The following ZNF385D variants were observed in gnomAD, a reference collection of about 807,000 sequenced individuals.
ZNF385D encodes the protein zinc finger protein 659.
In ZNF385D, 15 loss-of-function variants were observed where a neutral mutation model predicts 35.8. The ratio of observed to expected loss-of-function variants is 0.42; its 90% CI spans 0.28 to 0.64. The LOEUF (loss-of-function observed/expected upper bound fraction) is 0.64, where lower values mean the gene tolerates loss of function less well. Ranked by LOEUF, ZNF385D falls within the 30% of genes least tolerant of loss-of-function variation. The pLI, the probability that ZNF385D is intolerant of heterozygous loss-of-function variation, is 0.23. For synonymous variants in ZNF385D, 212 were observed against 186.8 expected, an observed-to-expected ratio of 1.13 and a Z score of -1.10; for missense variants, 474 against 494.6, an observed-to-expected ratio of 0.96 and a Z score of 0.39.
chr3:21,808,713 G>A (rs1189802998), intron 3 of ZNF385D, among the ~76,000 whole-genome samples: 2 of 152,206 alleles, frequency 1.3e-5, no homozygotes, highest in Non-Finnish European at 2.9e-5. Flanking sequence ...ATGGACAGGA[G>A]TGATCTGAAT....
chr3:22,169,739 C>A (rs1412798770), intron 2 of ZNF385D, among the ~76,000 whole-genome samples: 1 of 152,176 alleles, frequency 6.6e-6, no homozygotes, highest in African/African-American at 2.4e-5. Context: ...GCTTTGTATA[C>A]TAAAACCAAA....
rs73146844 is a variant in ZNF385D at position 21,879,331 on chromosome 3, G to A, written c.326-214303C>T. ...CTGTCTTCTCTAGAGAGGACACATGGGATCCGTTTATTGCCATCTCTGGGA... is the reference window on the plus strand; with the variant it reads ...CTGTCTTCTCTAGAGAGGACACATGAGATCCGTTTATTGCCATCTCTGGGA... On this transcript the variant is annotated intron_variant, in intron 3 of 5. Coordinates refer to the ZNF385D transcript ENST00000494108. Among the ~76,000 whole-genome samples the A allele has an allele frequency of 6.1e-3, 927 of 152,044 alleles. 9 individuals carry two copies. Among genetic ancestry groups the A allele is most frequent in the African/African-American group, 0.022 (899 of 41,516 alleles).
Position 22,088,566 on chromosome 3 carries a change from T to C in ZNF385D, c.325+80251A>G, listed in dbSNP as rs186012362. The stretch of plus-strand genomic sequence containing the variant: ...AAAAATGCTCTTGTACTCCTGAGTA[T>C]GGACACCAACCAGAAGAGATCTAGT... On this transcript the variant is annotated intron_variant, in intron 3 of 5. Transcript: ENST00000494108. 7.4e-3 allele frequency among the ~76,000 whole-genome samples: 1,129 copies of C among 152,242 alleles called. 10 individuals carry two copies. The highest frequency in any genetic ancestry group is 0.012 in the Non-Finnish European group (802 of 68,016).
rs557605596 is a variant in ZNF385D, at chr3:21,647,185, T to G, written c.165+17701A>C. 1.8e-4 allele frequency among the ~76,000 whole-genome samples: 27 copies of G among 152,334 alleles called. 1 individual carries two copies. The East Asian group carries it at 4.6e-3, about 26-fold the overall frequency. On this transcript the variant is annotated intron_variant, in intron 2 of 7. Coordinates refer to ENST00000281523, the MANE Select transcript of ZNF385D (RefSeq NM_024697.3). Reference sequence around the variant, plus strand: ...GTACTAGTATTTTAAAGGAATTGCCTAAATAATATGTAACAAAAACAAACA... The same window carrying G: ...GTACTAGTATTTTAAAGGAATTGCCGAAATAATATGTAACAAAAACAAACA...
intron 3 of ZNF385D, among the ~76,000 whole-genome samples, chr3:22,124,055 T>G (rs1409635966): frequency 2.7e-5 from 4 of 150,312 alleles, no homozygotes; most frequent in African/African-American, 7.3e-5. Flanking sequence ...CTAACTATTT[T>G]TGTGTGCATT....
Position 22,300,040 on chromosome 3 carries a change from T to C in ZNF385D, c.106+72410A>G, listed in dbSNP as rs374125263. On this transcript the variant is annotated intron_variant, in intron 2 of 5. Coordinates refer to the ZNF385D transcript ENST00000494108. ...AAAGAACAAAGCTGGAGGTACCACA[T>C]GACTTGACTTTAAAATATACTATAA... is the stretch of plus-strand genomic sequence containing the variant. 1.4e-3 allele frequency among the ~76,000 whole-genome samples: 216 copies of C among 152,004 alleles called. 3 individuals are homozygous for C. In the South Asian group the frequency reaches 0.032, roughly 22 times the overall value.
At chr3:21,808,325 A>G (rs759264511) in intron 3 of ZNF385D, among the ~76,000 whole-genome samples, 1 of 152,216 alleles carries the variant, frequency 6.6e-6, no homozygotes, top group Non-Finnish European at 1.5e-5. Context: ...CTGTAGTATA[A>G]CACCTTCTTG....
chr3:21,894,041 G>C (rs151117849), intron 3 of ZNF385D, among the ~76,000 whole-genome samples: 1 of 152,056 alleles, frequency 6.6e-6, no homozygotes, highest in Admixed American at 6.6e-5. Flanking sequence ...TAGAATACTT[G>C]TTTCTGTGTC....
At chr3:21,570,222 G>C (rs1319344948) in intron 2 of ZNF385D, among the ~76,000 whole-genome samples, 2 of 152,062 alleles carry the variant, frequency 1.3e-5, no homozygotes, top group Non-Finnish European at 2.9e-5. Context: ...CTTATTTAAA[G>C]CCAAATGAAT....
chr3:22,313,524 T>C (rs1490675730), intron 2 of ZNF385D, among the ~76,000 whole-genome samples: 1 of 152,138 alleles, frequency 6.6e-6, no homozygotes, highest in African/African-American at 2.4e-5. Context: ...GAATATGGTG[T>C]AGATGTCACA....
chr3:21,418,976 G>C lies in ZNF385D; in HGVS notation c.*2238C>G, dbSNP rs940161681. On this transcript the variant is annotated 3_prime_UTR_variant, in exon 8 of 8. Coordinates refer to ENST00000281523, the MANE Select transcript of ZNF385D (RefSeq NM_024697.3). ...ACTACCAGGGTCTGTAGGTGAAAAA[G>C]GAAACACTTGCTAAAACTAGAGAAT... The C allele has an allele frequency of 6.6e-6, 1 of 152,084 alleles. No homozygotes were observed. The highest frequency in any genetic ancestry group is 1.5e-5 in the Non-Finnish European group (1 of 67,998). 9.4% of individuals were successfully genotyped at this position (152,084 alleles called of 1,614,324 possible). A position where few individuals can be genotyped will look rare whatever the true frequency, so the allele number is the denominator to read the frequency against.
At chr3:22,259,129 C>T (rs114958931) in intron 2 of ZNF385D, among the ~76,000 whole-genome samples, 3,888 of 151,902 alleles carry the variant, frequency 0.026, 105 homozygotes, top group South Asian at 0.091. Context: ...TTGCACTACT[C>T]TGTAACATCA....
chr3:22,037,530 A>G (rs1393311218), intron 3 of ZNF385D, among the ~76,000 whole-genome samples: 84 of 146,424 alleles, frequency 5.7e-4, no homozygotes, highest in South Asian at 1.1e-3. Context: ...GTGTCTGTTC[A>G]TATCCTTCAC....
intron 2 of ZNF385D, among the ~76,000 whole-genome samples, chr3:21,622,701 A>G (rs1186677696): frequency 6.6e-6 from 1 of 152,040 alleles, no homozygotes; most frequent in Non-Finnish European, 1.5e-5. Context: ...TTTAATTTAT[A>G]TTGGTAATGA....
In ZNF385D at chr3:21,425,677, G is replaced by A; in HGVS notation, c.674-7C>T. 1 of 1,495,690 alleles carries A rather than the reference G, an allele frequency of 6.7e-7. No homozygotes were observed. The highest frequency in any genetic ancestry group is 2.1e-5 in the Admixed American group (1 of 47,360). The allele number at this position is 1,495,690 out of a possible 1,614,324, so 92.7% of individuals were successfully genotyped here. A position where few individuals can be genotyped will look rare whatever the true frequency, so the allele number is the denominator to read the frequency against. ...ATGGTTTTGTGCTTAGTACCTGTCAGGAATATTGAAATGAAGGAAGGAAAG... is the reference window on the plus strand; with the variant it reads ...ATGGTTTTGTGCTTAGTACCTGTCAAGAATATTGAAATGAAGGAAGGAAAG... On this transcript the variant is annotated splice_region_variant and splice_polypyrimidine_tract_variant and intron_variant, in intron 5 of 7. Transcript: ENST00000281523.
At chr3:22,308,229 A>AT (rs1703342685) in intron 2 of ZNF385D, among the ~76,000 whole-genome samples, 1 of 152,076 alleles carries the variant, frequency 6.6e-6, no homozygotes, top group African/African-American at 2.4e-5. Context: ...TCTAAGTTGC[A>AT]TTTTATTCTT....
chr3:21,512,375 C>T (rs980307931), intron 3 of ZNF385D, among the ~76,000 whole-genome samples: 1 of 152,000 alleles, frequency 6.6e-6, no homozygotes, highest in African/African-American at 2.4e-5. Context: ...CCATTACTTC[C>T]CATTGCTTAT....
At chr3:22,150,280 G>C (rs1308118274) in intron 3 of ZNF385D, among the ~76,000 whole-genome samples, 3 of 151,962 alleles carry the variant, frequency 2.0e-5, no homozygotes, top group Non-Finnish European at 4.4e-5. Flanking sequence ...CTCAAAGCTA[G>C]GCATTAACTG....
chr3:22,175,829 C>T (rs1012929760), intron 2 of ZNF385D, among the ~76,000 whole-genome samples: 5 of 150,210 alleles, frequency 3.3e-5, no homozygotes, highest in African/African-American at 1.2e-4. Flanking sequence ...ATCAAATAAA[C>T]TACTTCAGTA....
Sources: gnomAD v4.1 joint callset for allele counts (sites outside exome capture counted in the v4.1 genomes callset) on GRCh38, gnomAD v4.1.1 for gene constraint, MANE v1.5 for transcripts, NCBI Gene and HGNC (gene_info 2026-07-23, HGNC 2026-07-21) for gene names.